The following HNRNPC variants were observed in gnomAD, a reference collection of about 807,000 sequenced individuals.
HNRNPC encodes heterogeneous nuclear ribonucleoprotein C, also known as heterogeneous nuclear ribonucleoproteins C1/C2.
A neutral mutation model predicts 33.2 loss-of-function variants in HNRNPC; 3 were observed. The observed-to-expected ratio is 0.09, with a 90% confidence interval of 0.04 to 0.23. The LOEUF is 0.23. Among genes scored for constraint, HNRNPC ranks in the 10% least tolerant of loss-of-function variants. The probability of loss-of-function intolerance (pLI) is 1.00; values close to 1 mark genes in which losing one functional copy is unlikely to be tolerated. For synonymous variants in HNRNPC, 121 were observed against 126.7 expected (o/e 0.96, Z 0.30); for missense variants, 143 against 366.7 (o/e 0.39, Z 4.98).
intron 2 of HNRNPC, among the ~76,000 whole-genome samples, chr14:21,240,037 A>G (rs1214457810): frequency 6.6e-6 from 1 of 152,170 alleles, no homozygotes; most frequent in Non-Finnish European, 1.5e-5. Context: ...TTACCTAGAA[A>G]ACAAGTCAAA....
intron 5 of HNRNPC, among the ~76,000 whole-genome samples, chr14:21,221,909 C>T (rs1449121704): frequency 6.6e-6 from 1 of 151,536 alleles, no homozygotes; most frequent in African/African-American, 2.4e-5. Context: ...ATTAGCCGGG[C>T]GTGGTGGCGG....
chr14:21,242,379 G>A (rs747174212), intron 2 of HNRNPC, among the ~76,000 whole-genome samples: 1 of 152,178 alleles, frequency 6.6e-6, no homozygotes, highest in South Asian at 2.1e-4. Context: ...AGCTACTCTG[G>A]AGACTGAGCT....
rs1165599897 is a variant in HNRNPC, at chr14:21,220,810, T to A, written c.366-7693A>T. On this transcript the variant is annotated intron_variant, in intron 5 of 8. Coordinates refer to ENST00000553300, the MANE Select transcript of HNRNPC (RefSeq NM_004500.4). ...TATCATACTTTACCAAAAAATTCTA[T>A]CTGTTTTCAAGGTATTTATTTAAAA... Among the ~76,000 whole-genome samples, 6 of 150,172 alleles carry A rather than the reference T, an allele frequency of 4.0e-5. No individual in the cohort carries two copies. The Admixed American group carries it at 4.1e-4, about 10-fold the overall frequency.
At chr14:21,241,097 T>C (rs1388793793) in intron 2 of HNRNPC, among the ~76,000 whole-genome samples, 1 of 151,972 alleles carries the variant, frequency 6.6e-6, no homozygotes, top group East Asian at 1.9e-4. Flanking sequence ...GGTGAAACCC[T>C]GTCTCTACTA....
intron 2 of HNRNPC, among the ~76,000 whole-genome samples, chr14:21,240,932 A>T (rs965713978): frequency 6.6e-6 from 1 of 152,176 alleles, no homozygotes; most frequent in South Asian, 2.1e-4. Context: ...TCAGATTTGG[A>T]AATTCAAAAC....
At chr14:21,238,412 A>C (rs1894965832) in intron 2 of HNRNPC, among the ~76,000 whole-genome samples, 1 of 152,224 alleles carries the variant, frequency 6.6e-6, no homozygotes, top group Non-Finnish European at 1.5e-5. Flanking sequence ...AAAATATCTT[A>C]AAATGTTCTG....
At chr14:21,261,136 T>C (rs1454065142) in intron 2 of HNRNPC, among the ~76,000 whole-genome samples, 1 of 152,072 alleles carries the variant, frequency 6.6e-6, no homozygotes, top group Non-Finnish European at 1.5e-5. Context: ...GCCCCCAGCT[T>C]ATTTTGGCAT....
Position 21,213,075 on chromosome 14 carries a change from A to T in HNRNPC, c.408T>A (p.Ile136=). The change falls in exon 6 of 9, where the codon ATT becomes ATA. Residue 136 remains isoleucine (I), a synonymous_variant. Transcript: ENST00000553300. Reference sequence around the variant, plus strand: ...GTTTCGAGGGCACTACAGCCCGAGCAATAGGAGGAGGAGGAGGTACACGTG... The same window carrying T: ...GTTTCGAGGGCACTACAGCCCGAGCTATAGGAGGAGGAGGAGGTACACGTG... ...YPARVPPPPP[I]ARAVVPSKRQ... 1 of 1,614,104 alleles carries T rather than the reference A, an allele frequency of 6.2e-7. No homozygotes were observed. The highest frequency in any genetic ancestry group is 8.5e-7 in the Non-Finnish European group (1 of 1,179,964).
Position 21,211,094 on chromosome 14 carries a change from A to G in HNRNPC, c.*129T>C, listed in dbSNP as rs1483695097. On this transcript the variant is annotated 3_prime_UTR_variant, in exon 9 of 9. Coordinates refer to ENST00000553300, the MANE Select transcript of HNRNPC (RefSeq NM_004500.4). ...ATATGAATTAATGAACATGGGAAGG[A>G]CAAGGATGGGGAGAACAGTGAGCAT... The G allele has an allele frequency of 1.9e-5, 20 of 1,032,366 alleles. No individual in the cohort carries two copies. The highest frequency in any genetic ancestry group is 4.4e-6 in the Non-Finnish European group (3 of 687,238). 64.0% of individuals were successfully genotyped at this position (1,032,366 alleles called of 1,614,324 possible).
intron 5 of HNRNPC, among the ~76,000 whole-genome samples, chr14:21,216,090 C>G (rs1594201204): frequency 8.7e-6 from 1 of 115,596 alleles, no homozygotes; most frequent in African/African-American, 3.4e-5. Flanking sequence ...GCCTGGGCGA[C>G]AGAGTAAAAA....
intron 5 of HNRNPC, among the ~76,000 whole-genome samples, chr14:21,216,120 C>CAAAAAAAAAAAAA (rs370660995): frequency 1.1e-5 from 1 of 87,848 alleles, no homozygotes; most frequent in African/African-American, 4.5e-5. Context: ...CCTCCACCAC[C>CAAAAAAAAAAAAA]AAAAAAAAAA....
At chr14:21,241,022 G>A (rs570430053) in intron 2 of HNRNPC, among the ~76,000 whole-genome samples, 2 of 152,222 alleles carry the variant, frequency 1.3e-5, no homozygotes, top group South Asian at 2.1e-4. Context: ...TGTAATCCCA[G>A]CACTCTGGGA....
At chr14:21,266,074 T>C (rs911654514) in intron 1 of HNRNPC, among the ~76,000 whole-genome samples, 2 of 152,318 alleles carry the variant, frequency 1.3e-5, no homozygotes, top group South Asian at 2.1e-4. Flanking sequence ...AGATTTTAAA[T>C]TGGGAATCTC....
chr14:21,231,342 T>C (rs1450331588), intron 3 of HNRNPC: 1 of 548,490 alleles, frequency 1.8e-6, no homozygotes, highest in Non-Finnish European at 3.5e-6. Flanking sequence ...ACACATAAAT[T>C]AGAAAATGTG....
rs1224588033 is a variant in HNRNPC, at chr14:21,219,577, CAT to C, written c.366-6462_366-6461del. Among the ~76,000 whole-genome samples the C allele has an allele frequency of 3.3e-5, 5 of 152,346 alleles. No homozygotes were observed. The East Asian group carries it at 9.6e-4, about 29-fold the overall frequency. On this transcript the variant is annotated intron_variant, in intron 5 of 8. Coordinates refer to ENST00000553300, the MANE Select transcript of HNRNPC (RefSeq NM_004500.4). ...CTTGTTTGCCTTTCTACTCTTTTGA[CAT>C]ATATTCATACAGTTTCCAAGATACT...
intron 7 of HNRNPC, 63 bp from the exon 8 acceptor site, chr14:21,211,629 C>T (rs1485982206): frequency 1.3e-6 from 2 of 1,538,072 alleles, no homozygotes; most frequent in African/African-American, 2.7e-5. Flanking sequence ...AGACAATCCC[C>T]ACTAAGGATC....
At chr14:21,266,227 C>A (rs908932333) in intron 1 of HNRNPC, among the ~76,000 whole-genome samples, 1 of 152,142 alleles carries the variant, frequency 6.6e-6, no homozygotes, top group Non-Finnish European at 1.5e-5. Context: ...CTCAGCCTCC[C>A]GAGTAGCTGG....
At chr14:21,256,758 G>A (rs760392055) in intron 2 of HNRNPC, among the ~76,000 whole-genome samples, 4 of 151,950 alleles carry the variant, frequency 2.6e-5, no homozygotes, top group African/African-American at 9.7e-5. Context: ...GGGCTCAAGC[G>A]ATTCTCATGC....
chr14:21,249,310 G>A (rs1482787778), intron 2 of HNRNPC, among the ~76,000 whole-genome samples: 2 of 151,646 alleles, frequency 1.3e-5, no homozygotes, highest in African/African-American at 2.4e-5. Context: ...AGTGGCTCAC[G>A]CCTGTAATCC....
Sources: allele counts gnomAD v4.1 joint callset (sites outside exome capture counted in the v4.1 genomes callset), GRCh38; gene constraint gnomAD v4.1.1; transcripts MANE v1.5; gene names NCBI Gene and HGNC (gene_info 2026-07-23, HGNC 2026-07-21).